The following ANKRD36B variants were observed in gnomAD, a reference collection of about 807,000 sequenced individuals.
ANKRD36B encodes ankyrin repeat domain 36B.
A neutral mutation model predicts 135.7 loss-of-function variants in ANKRD36B; 37 were observed. That is an observed-to-expected ratio of 0.27 (90% CI 0.21 to 0.36). The LOEUF (loss-of-function observed/expected upper bound fraction) is 0.36. Ranked by LOEUF, ANKRD36B falls within the 10% of genes least tolerant of loss-of-function variation. The probability of loss-of-function intolerance (pLI) is 1.00; values close to 1 mark genes in which losing one functional copy is unlikely to be tolerated. For missense variants in ANKRD36B, 549 were observed against 1,037.1 expected, an observed-to-expected ratio of 0.53 and a Z score of 6.46; for synonymous variants, 179 against 348.1, an observed-to-expected ratio of 0.51 and a Z score of 5.41.
At chr2:97,586,346 T>C (rs1457068049) in intron 1 of ANKRD36B, among the ~76,000 whole-genome samples, 1 of 151,814 alleles carries the variant, frequency 6.6e-6, no homozygotes, top group Admixed American at 6.6e-5. Context: ...CATAAGTTTT[T>C]GAAATGGCAG....
In ANKRD36B at chr2:97,540,315, T is replaced by A. The variant is rs1283041234; in HGVS notation, c.1886-86A>T. The A allele has an allele frequency of 1.1e-5, 9 of 829,654 alleles. 2 individuals carry two copies. In the African/African-American group the frequency reaches 1.2e-4, roughly 11 times the overall value. The allele number at this position is 829,654 out of a possible 1,614,324, so 51.4% of individuals were successfully genotyped here. On this transcript the variant is annotated intron_variant, in intron 28 of 43. Transcript: ENST00000359901. ...TTCATGCAGTGTTAGCATCAAGCTG[T>A]ATCCTTCTGCCTGTACTAGGGTAGG... is the stretch of plus-strand genomic sequence containing the variant.
At chr2:97,569,533 TTAAATA>T (rs1335981286) in intron 6 of ANKRD36B, among the ~76,000 whole-genome samples, 2 of 151,624 alleles carry the variant, frequency 1.3e-5, no homozygotes, top group African/African-American at 4.8e-5. Flanking sequence ...AAGAGGGAAC[TTAAATA>T]TAAACTATGG....
chr2:97,549,731 A>C, intron 18 of ANKRD36B, 117 bp from the exon 19 acceptor site: 1 of 1,549,282 alleles, frequency 6.5e-7, no homozygotes, highest in South Asian at 1.2e-5. Context: ...GTAGGCTTTG[A>C]TGGCTTCTAC....
chr2:97,554,971 T>C (rs1326786237), intron 14 of ANKRD36B, 89 bp downstream of exon 14: 1 of 1,490,960 alleles, frequency 6.7e-7, no homozygotes, highest in Non-Finnish European at 9.2e-7. Context: ...TGTGCAGCTT[T>C]GATGAGCCCC....
chr2:97,588,416 G>A (rs908786034), intron 1 of ANKRD36B, among the ~76,000 whole-genome samples: 7 of 151,872 alleles, frequency 4.6e-5, no homozygotes, highest in African/African-American at 1.7e-4. Context: ...ACATATTGGT[G>A]TGTTCCTGGA....
intron 8 of ANKRD36B, among the ~76,000 whole-genome samples, chr2:97,560,066 A>G (rs200514383): frequency 3.3e-5 from 5 of 152,018 alleles, no homozygotes; most frequent in South Asian, 2.1e-4. Flanking sequence ...AGTAGTTCTC[A>G]GAGCAGCCAA....
At position 97,495,751 on chromosome 2, in the gene ANKRD36B, C is replaced by T. The variant is rs73959741; in HGVS notation, c.*7-2896G>A. Among the ~76,000 whole-genome samples, 6 of 96,100 alleles carry T rather than the reference C, an allele frequency of 6.2e-5. No homozygotes were observed. The South Asian group carries it at 6.8e-4, about 11-fold the overall frequency. The allele number at this position is 96,100 out of a possible 152,430, so 63.0% of individuals were successfully genotyped here. A position where few individuals can be genotyped will look rare whatever the true frequency, so the allele number is the denominator to read the frequency against. On this transcript the variant is annotated intron_variant, in intron 43 of 43. Transcript: ENST00000359901. ...AAAACAGTTCCTTGGGCACTAACCACGGAGGTTGTAGAATTTCAATGCATA... is the reference window on the plus strand; with the variant it reads ...AAAACAGTTCCTTGGGCACTAACCATGGAGGTTGTAGAATTTCAATGCATA...
At chr2:97,514,904 T>TA (rs1491095773) in intron 37 of ANKRD36B, among the ~76,000 whole-genome samples, 1 of 66,952 alleles carries the variant, frequency 1.5e-5, no homozygotes, top group African/African-American at 4.5e-5. Context: ...ACTGGATACA[T>TA]TTTTTTTTTT....
chr2:97,587,413 A>T (rs1376569548), intron 1 of ANKRD36B, among the ~76,000 whole-genome samples: 1 of 152,194 alleles, frequency 6.6e-6, no homozygotes, highest in Non-Finnish European at 1.5e-5. Flanking sequence ...AACACCATAG[A>T]TTGTTTGTGT....
At chr2:97,571,931 G>T (rs2081906738) in intron 6 of ANKRD36B, among the ~76,000 whole-genome samples, 1 of 152,042 alleles carries the variant, frequency 6.6e-6, no homozygotes, top group South Asian at 2.1e-4. Context: ...CAAACAGTGG[G>T]TTTTTCTTAT....
intron 3 of ANKRD36B, 127 bp downstream of exon 3, chr2:97,584,817 G>A (rs1368341864): frequency 2.9e-6 from 2 of 691,802 alleles, no homozygotes; most frequent in East Asian, 2.8e-5. Context: ...GACAGTTAAG[G>A]CATTTCAAAA....
At chr2:97,537,024 GAT>G (rs2078924067) in intron 32 of ANKRD36B, among the ~76,000 whole-genome samples, 1 of 95,894 alleles carries the variant, frequency 1.0e-5, no homozygotes, top group Non-Finnish European at 2.8e-5. Flanking sequence ...GATCTGCTTG[GAT>G]ATATGTTTGG....
chr2:97,555,758 AG>A (rs758391134), intron 12 of ANKRD36B, among the ~76,000 whole-genome samples: 27 of 152,088 alleles, frequency 1.8e-4, no homozygotes, highest in Non-Finnish European at 3.5e-4. Context: ...CTTAAGTGGA[AG>A]GGACCTAAAT....
intron 10 of ANKRD36B, among the ~76,000 whole-genome samples, chr2:97,557,465 G>A (rs993890261): frequency 6.6e-6 from 1 of 151,674 alleles, no homozygotes; most frequent in African/African-American, 2.4e-5. Flanking sequence ...CATACACCCA[G>A]GAATCAATGT....
At chr2:97,564,690 T>C (rs1481086608) in intron 6 of ANKRD36B, among the ~76,000 whole-genome samples, 2 of 152,122 alleles carry the variant, frequency 1.3e-5, no homozygotes, top group East Asian at 1.9e-4. Context: ...TGTAGGTGTA[T>C]GGCATTATTT....
intron 34 of ANKRD36B, among the ~76,000 whole-genome samples, chr2:97,534,050 C>T (rs189324194): frequency 0.067 from 5,071 of 75,210 alleles, 1,620 homozygotes; most frequent in South Asian, 0.11. Flanking sequence ...AGCGAGACTC[C>T]ATCTCAAAAA....
intron 32 of ANKRD36B, 137 bp from the exon 33 acceptor site, chr2:97,536,633 G>A: frequency 9.8e-6 from 4 of 407,008 alleles, no homozygotes; most frequent in Non-Finnish European, 9.4e-6. Context: ...TGTTTCTTTG[G>A]GACAGTAACA....
chr2:97,586,385 C>T (rs911281021), intron 1 of ANKRD36B, among the ~76,000 whole-genome samples: 29 of 140,126 alleles, frequency 2.1e-4, no homozygotes, highest in Admixed American at 1.1e-3. Flanking sequence ...TATTTTCTAA[C>T]TTCAGAATTG....
rs1466655090 is a variant in ANKRD36B, at chr2:97,541,096, T to A, written c.1885+815A>T. Among the ~76,000 whole-genome samples the A allele has an allele frequency of 4.1e-5, 4 of 96,880 alleles. 1 individual carries two copies. Among genetic ancestry groups the A allele is most frequent in the Non-Finnish European group, 1.1e-4 (4 of 36,246 alleles). The allele number at this position is 96,880 out of a possible 152,430, so 63.6% of individuals were successfully genotyped here. A position where few individuals can be genotyped will look rare whatever the true frequency, so the allele number is the denominator to read the frequency against. On this transcript the variant is annotated intron_variant, in intron 28 of 43. Transcript: ENST00000359901. ...TTCTAAAATAGTCTTGTTGGGAGTA[T>A]CATGCTATTCTCTAAAGAAGTTTCA... is the stretch of plus-strand genomic sequence containing the variant.
Sources: allele counts gnomAD v4.1 joint callset (sites outside exome capture counted in the v4.1 genomes callset), GRCh38; gene constraint gnomAD v4.1.1; transcripts MANE v1.5; gene names NCBI Gene and HGNC (gene_info 2026-07-23, HGNC 2026-07-21).